The following TPST2 variants were observed in gnomAD, a reference collection of about 807,000 sequenced individuals.
The protein encoded by TPST2 is tyrosylprotein sulfotransferase 2, also known as protein-tyrosine sulfotransferase 2.
In TPST2, 16 loss-of-function variants were observed where a neutral mutation model predicts 27.8. That is an observed-to-expected ratio of 0.58 (90% confidence interval 0.39 to 0.88). TPST2 has a LOEUF of 0.88. Among genes scored for constraint, TPST2 ranks in the 40% least tolerant of loss-of-function variants. The pLI is 0.00. For synonymous variants in TPST2, 229 were observed against 231.7 expected (o/e 0.99, Z 0.10); for missense variants, 464 against 543.1 (o/e 0.85, Z 1.45).
intron 1 of TPST2, among the ~76,000 whole-genome samples, chr22:26,557,029 G>T (rs1394871587): frequency 6.6e-6 from 1 of 152,262 alleles, no homozygotes; most frequent in African/African-American, 2.4e-5. Flanking sequence ...GACCCAGCCT[G>T]CGGCTATCAA....
rs771759776 is a variant in TPST2, at chr22:26,541,775, A to T, written c.-88-57T>A. The T allele has an allele frequency of 5.4e-5, 75 of 1,401,060 alleles. No homozygotes were observed. Among genetic ancestry groups the T allele is most frequent in the Non-Finnish European group, 6.9e-5 (74 of 1,071,230 alleles). The allele number at this position is 1,401,060 out of a possible 1,614,324, so 86.8% of individuals were successfully genotyped here. On this transcript the variant is annotated intron_variant, in intron 2 of 6. Coordinates refer to ENST00000338754, the MANE Select transcript of TPST2 (RefSeq NM_003595.5). This position sits in a 1 kb window ranked among gnomAD's most constrained non-coding sequence, Gnocchi z 5.9. Reference sequence around the variant, plus strand: ...GAGGTCTGTGAGCTGTGAGCTCTCCAATAACTGCAAAGCCCTATAACTGCA... The same window carrying T: ...GAGGTCTGTGAGCTGTGAGCTCTCCTATAACTGCAAAGCCCTATAACTGCA...
intron 1 of TPST2, among the ~76,000 whole-genome samples, chr22:26,551,883 C>CTTTTTTTTTTTTTTTTTT (rs1163793644): frequency 2.0e-4 from 13 of 66,438 alleles, no homozygotes; most frequent in Non-Finnish European, 3.0e-4. Context: ...TTTTCTTTTT[C>CTTTTTTTTTTTTTTTTTT]TTTTTTTTTT....
At chr22:26,584,823 G>T (rs896367040) in intron 1 of TPST2, among the ~76,000 whole-genome samples, 5 of 152,188 alleles carry the variant, frequency 3.3e-5, no homozygotes, top group African/African-American at 1.2e-4. Context: ...GGAATTAAAT[G>T]AGTTAAACCA....
At chr22:26,568,629 G>A (rs973643813) in intron 1 of TPST2, among the ~76,000 whole-genome samples, 13 of 151,998 alleles carry the variant, frequency 8.6e-5, no homozygotes, top group Admixed American at 2.6e-4. Context: ...GCGCCATGAC[G>A]TTTACAAATG....
At chr22:26,554,102 G>A (rs764821409) in intron 1 of TPST2, among the ~76,000 whole-genome samples, 17 of 152,312 alleles carry the variant, frequency 1.1e-4, no homozygotes, top group South Asian at 6.2e-4. Flanking sequence ...GAGAGGTGAA[G>A]TGCTTTGTTG....
At chr22:26,571,928 C>T (rs1927643838) in intron 1 of TPST2, among the ~76,000 whole-genome samples, 1 of 152,206 alleles carries the variant, frequency 6.6e-6, no homozygotes, top group African/African-American at 2.4e-5. Context: ...GCCACCTGAT[C>T]ATGCTTCCAC....
chr22:26,541,998 G>GTC lies in TPST2; in HGVS notation c.-88-281_-88-280insGA, dbSNP rs1240367942. On this transcript the variant is annotated intron_variant, in intron 2 of 6. Coordinates refer to ENST00000338754, the MANE Select transcript of TPST2 (RefSeq NM_003595.5). The surrounding 1 kb of genome is among the most constrained non-coding windows in gnomAD (Gnocchi z 5.9). ...GTCTCCCAAAGTGATGGGATTACAGGCATGAGCCACCCGGTCCAGCGGATC... is the reference window on the plus strand; with the variant it reads ...GTCTCCCAAAGTGATGGGATTACAGGTCCATGAGCCACCCGGTCCAGCGGATC... Among the ~76,000 whole-genome samples the GTC allele has an allele frequency of 6.6e-6, 1 of 152,078 alleles. No homozygotes were observed. Among genetic ancestry groups the GTC allele is most frequent in the African/African-American group, 2.4e-5 (1 of 41,412 alleles).
At position 26,541,911 on chromosome 22, in the gene TPST2, G is replaced by A. The variant is rs1925869292; in HGVS notation, c.-88-193C>T. Among the ~76,000 whole-genome samples the A allele has an allele frequency of 6.6e-6, 1 of 151,988 alleles. No individual in the cohort carries two copies. The highest frequency in any genetic ancestry group is 2.4e-5 in the African/African-American group (1 of 41,370). On this transcript the variant is annotated intron_variant, in intron 2 of 6. Coordinates refer to ENST00000338754, the MANE Select transcript of TPST2 (RefSeq NM_003595.5). The surrounding 1 kb of genome is among the most constrained non-coding windows in gnomAD (Gnocchi z 5.9). ...ATTTTTTTTGTTTTTTTAAAGAGAT[G>A]GGGTCTCACCATGTTTCCCAGGCTG...
At chr22:26,555,325 C>A (rs375330417) in intron 1 of TPST2, 14 of 510,964 alleles carry the variant, frequency 2.7e-5, no homozygotes, top group African/African-American at 2.7e-4. Flanking sequence ...TGGCTGCCCA[C>A]CTGGGCCAGG....
At chr22:26,582,824 A>G (rs1279712733) in intron 1 of TPST2, among the ~76,000 whole-genome samples, 3 of 152,158 alleles carry the variant, frequency 2.0e-5, no homozygotes, top group Non-Finnish European at 2.9e-5. Context: ...CGGGAAAGTG[A>G]CTATTTCCAA....
Position 26,544,694 on chromosome 22 carries a change from T to A in TPST2, c.-160-19A>T, listed in dbSNP as rs920007476. The A allele has an allele frequency of 2.0e-6, 2 of 985,894 alleles. No homozygotes were observed. Among genetic ancestry groups the A allele is most frequent in the Non-Finnish European group, 2.4e-6 (2 of 829,952 alleles). 61.1% of individuals were successfully genotyped at this position (985,894 alleles called of 1,614,324 possible). ...CAGAGCCCTGGAGAGGCAAAGGAGATATTGCATCAGGGATGGGCACTGTGG... is the reference window on the plus strand; with the variant it reads ...CAGAGCCCTGGAGAGGCAAAGGAGAAATTGCATCAGGGATGGGCACTGTGG... On this transcript the variant is annotated intron_variant, in intron 1 of 6. Coordinates refer to ENST00000338754, the MANE Select transcript of TPST2 (RefSeq NM_003595.5).
intron 1 of TPST2, among the ~76,000 whole-genome samples, chr22:26,552,584 T>C (rs1365830497): frequency 1.3e-5 from 2 of 152,132 alleles, no homozygotes; most frequent in Non-Finnish European, 2.9e-5. Context: ...ATAAAACCCA[T>C]GTTTTTGGCT....
At chr22:26,552,948 T>C (rs571581432) in intron 1 of TPST2, among the ~76,000 whole-genome samples, 149 of 150,848 alleles carry the variant, frequency 9.9e-4, no homozygotes, top group African/African-American at 2.6e-3. Flanking sequence ...TAGTCCCAGC[T>C]ACTCGAGAGC....
At chr22:26,542,301 G>C (rs1163844566) in intron 2 of TPST2, among the ~76,000 whole-genome samples, 1 of 150,530 alleles carries the variant, frequency 6.6e-6, no homozygotes, top group Non-Finnish European at 1.5e-5. Flanking sequence ...GCTCACTGCG[G>C]CCTCGGACTC....
intron 1 of TPST2, among the ~76,000 whole-genome samples, chr22:26,548,796 T>C (rs549997892): frequency 3.7e-5 from 4 of 108,436 alleles, no homozygotes; most frequent in African/African-American, 1.0e-4. Flanking sequence ...ACCCCATCAC[T>C]ACAAAAAAAA....
At chr22:26,574,153 A>G (rs1310503938) in intron 1 of TPST2, among the ~76,000 whole-genome samples, 1 of 152,186 alleles carries the variant, frequency 6.6e-6, no homozygotes, top group Non-Finnish European at 1.5e-5. Context: ...ATTACCAGGA[A>G]GCAAAATGCC....
rs1227493043 is a variant in TPST2, at chr22:26,536,458, T to G, written c.871A>C (p.Lys291Gln). The G allele has an allele frequency of 6.5e-7, 1 of 1,548,508 alleles. No individual in the cohort carries two copies. Among genetic ancestry groups the G allele is most frequent in the African/African-American group, 1.4e-5 (1 of 73,032 alleles). Residue 291 changes from lysine (K) to glutamine (Q), a missense_variant, in exon 4 of 7, where the codon AAG becomes CAG. Coordinates refer to ENST00000338754, the MANE Select transcript of TPST2 (RefSeq NM_003595.5). The stretch of plus-strand genomic sequence containing the variant: ...GAGAGCGCTTCCAGGTTAACAGGCT[T>G]GATGACCTGGTCCGTGGACCGCTCG... Reference protein sequence around the residue: ...KIERSTDQVIKPVNLEALSKW... With the variant: ...KIERSTDQVIQPVNLEALSKW...
chr22:26,560,430 T>C, intron 1 of TPST2: 1 of 671,832 alleles, frequency 1.5e-6, no homozygotes, highest in South Asian at 1.8e-5. Context: ...ATATTGTGCA[T>C]TGCAGTACAC....
At chr22:26,531,783 G>A (rs1925175858) in intron 5 of TPST2, among the ~76,000 whole-genome samples, 1 of 152,144 alleles carries the variant, frequency 6.6e-6, no homozygotes, top group Non-Finnish European at 1.5e-5. Context: ...CTGCAATGGG[G>A]TGCGCAGGCT....
Sources: allele counts gnomAD v4.1 joint callset (sites outside exome capture counted in the v4.1 genomes callset), GRCh38; gene constraint gnomAD v4.1.1; non-coding constraint Gnocchi (gnomAD v3.1); transcripts MANE v1.5; gene names NCBI Gene and HGNC (gene_info 2026-07-23, HGNC 2026-07-21).